The following DIAPH2 variants were observed in gnomAD, a reference collection of about 807,000 sequenced individuals.
The protein encoded by DIAPH2 is diaphanous related formin 2, also known as protein diaphanous homolog 2.
Under a neutral mutation model 92.7 loss-of-function variants are expected in DIAPH2, and 35 were observed. The ratio of observed to expected loss-of-function variants is 0.38; its 90% confidence interval spans 0.29 to 0.50. The LOEUF (loss-of-function observed/expected upper bound fraction) is 0.50, where lower values mean the gene tolerates loss of function less well. DIAPH2 is among the 20% of genes least tolerant of loss of function. The pLI is 0.94. For missense variants in DIAPH2, 701 were observed against 819.5 expected (o/e 0.86, Z 1.77); for synonymous variants, 301 against 280.4 (o/e 1.07, Z -0.73).
intron 5 of DIAPH2, among the ~76,000 whole-genome samples, chrX:96,887,690 C>G (rs964230520): frequency 4.5e-5 from 5 of 111,390 alleles, no homozygotes; most frequent in African/African-American, 1.6e-4. Flanking sequence ...AGCTGAAAAA[C>G]ATAAGTTCTT....
intron 17 of DIAPH2, among the ~76,000 whole-genome samples, chrX:97,026,234 G>C (rs774795557): frequency 8.9e-6 from 1 of 111,848 alleles, no homozygotes; most frequent in South Asian, 3.7e-4. Context: ...TTGTTCTTAT[G>C]GGGACTCATA....
At position 97,039,216 on chromosome X, in the gene DIAPH2, G is replaced by A. The variant is rs73250778; in HGVS notation, c.2051-33725G>A. Among the ~76,000 whole-genome samples, 535 of 110,905 alleles carry A rather than the reference G, an allele frequency of 4.8e-3. 2 individuals are homozygous for A. Among genetic ancestry groups the A allele is most frequent in the African/African-American group, 9.2e-3 (282 of 30,651 alleles). ...TATTACATATTGACCATTCGTTTTC[G>A]TCTAATTTTTGTTCATATAGTTTTA... On this transcript the variant is annotated intron_variant, in intron 17 of 26. Transcript: ENST00000324765.
At position 97,309,664 on chromosome X, in the gene DIAPH2, A is replaced by T. The variant is rs147279082; in HGVS notation, c.2845-38452A>T. On this transcript the variant is annotated intron_variant, in intron 23 of 26. Coordinates refer to ENST00000324765, the MANE Select transcript of DIAPH2 (RefSeq NM_006729.5). ...CCTTATCGTTGCCAGAATGTTTCCC[A>T]GTAACTTATCTGTATCTACAAAGAA... 8.7e-3 allele frequency among the ~76,000 whole-genome samples: 975 copies of T among 112,147 alleles called. 8 individuals carry two copies. The highest frequency in any genetic ancestry group is 0.03 in the African/African-American group (922 of 30,951).
chrX:96,714,824 A>T (rs1859919621), intron 1 of DIAPH2, among the ~76,000 whole-genome samples: 1 of 111,890 alleles, frequency 8.9e-6, no homozygotes, highest in Admixed American at 9.5e-5. Context: ...TGCTTGGAGA[A>T]TTTTACCTAT....
chrX:96,808,677 T>C (rs754686345), intron 4 of DIAPH2, among the ~76,000 whole-genome samples: 1 of 112,133 alleles, frequency 8.9e-6, no homozygotes, highest in Admixed American at 9.4e-5. Flanking sequence ...TGTCAGGAAC[T>C]TAGATAGAAA....
intron 26 of DIAPH2, among the ~76,000 whole-genome samples, chrX:97,489,740 T>C (rs2070712828): frequency 8.9e-6 from 1 of 111,873 alleles, no homozygotes; most frequent in Non-Finnish European, 1.9e-5. Context: ...AGCACATTAA[T>C]TGATTTGCAT....
intron 4 of DIAPH2, among the ~76,000 whole-genome samples, chrX:96,803,998 C>T (rs1324721761): frequency 2.7e-5 from 3 of 111,745 alleles, no homozygotes; most frequent in African/African-American, 9.8e-5. Flanking sequence ...GAGATTGCGC[C>T]ACTGCACTCC....
At chrX:97,185,359 A>G (rs865801962) in intron 22 of DIAPH2, among the ~76,000 whole-genome samples, 2 of 60,148 alleles carry the variant, frequency 3.3e-5, no homozygotes, top group East Asian at 4.6e-4. Flanking sequence ...ATATGTGTGT[A>G]TATATATATG....
At chrX:96,855,669 C>A (rs939102622) in intron 4 of DIAPH2, among the ~76,000 whole-genome samples, 1 of 109,415 alleles carries the variant, frequency 9.1e-6, no homozygotes, top group African/African-American at 3.3e-5. Context: ...ATTAGAGGGA[C>A]CTAGTTTGGG....
chrX:97,585,460 C>G (rs1288524142), intron 26 of DIAPH2, among the ~76,000 whole-genome samples: 1 of 110,073 alleles, frequency 9.1e-6, no homozygotes, highest in Non-Finnish European at 1.9e-5. Flanking sequence ...TGCCTTTCAT[C>G]ACAAATCATG....
At chrX:96,712,194 A>T (rs1202638101) in intron 1 of DIAPH2, among the ~76,000 whole-genome samples, 1 of 110,767 alleles carries the variant, frequency 9.0e-6, no homozygotes, top group East Asian at 2.8e-4. Context: ...ATTTGACTTC[A>T]TCACGCCTGC....
chrX:97,095,425 G>A (rs763539588), intron 19 of DIAPH2, among the ~76,000 whole-genome samples: 15 of 107,495 alleles, frequency 1.4e-4, no homozygotes, highest in African/African-American at 4.0e-4. Context: ...CAAGGAGAAC[G>A]TTTCTTATCT....
At chrX:97,129,106 CTTTT>C (rs2067114122) in intron 21 of DIAPH2, among the ~76,000 whole-genome samples, 1 of 65,287 alleles carries the variant, frequency 1.5e-5, no homozygotes, top group Admixed American at 1.9e-4. Flanking sequence ...CTTTTCTTTT[CTTTT>C]CTTTTCTTTT....
intron 3 of DIAPH2, among the ~76,000 whole-genome samples, chrX:96,750,919 C>T (rs1281967508): frequency 8.9e-6 from 1 of 112,442 alleles, no homozygotes; most frequent in Non-Finnish European, 1.9e-5. Context: ...AAGTGTTTCT[C>T]TAATGCCATG....
chrX:96,976,573 GTCA>G (rs1307588795), intron 17 of DIAPH2, among the ~76,000 whole-genome samples: 1 of 108,702 alleles, frequency 9.2e-6, no homozygotes, highest in East Asian at 2.9e-4. Context: ...ATTTCCAGTT[GTCA>G]TTTTCTAGCA....
At position 97,246,203 on chromosome X, in the gene DIAPH2, C is replaced by T. The variant is rs180910448; in HGVS notation, c.2720-1512C>T. 3.4e-4 allele frequency among the ~76,000 whole-genome samples: 37 copies of T among 110,334 alleles called. No homozygotes were observed. The South Asian group carries it at 5.0e-3, about 15-fold the overall frequency. On this transcript the variant is annotated intron_variant, in intron 22 of 26. Coordinates refer to ENST00000324765, the MANE Select transcript of DIAPH2 (RefSeq NM_006729.5). The stretch of plus-strand genomic sequence containing the variant: ...TGCTGGGATTACAGGTGTGAGCCAC[C>T]GCGCTCGGCCTGTCTTCACTTTTTC...
intron 16 of DIAPH2, among the ~76,000 whole-genome samples, chrX:96,962,316 TATATATACAC>T (rs1230212540): frequency 5.9e-5 from 4 of 67,441 alleles, no homozygotes; most frequent in Admixed American, 1.8e-4. Context: ...TATATACATA[TATATATACAC>T]ATATATATAT....
chrX:97,096,996 T>C (rs1227492464), intron 19 of DIAPH2, among the ~76,000 whole-genome samples: 1 of 111,453 alleles, frequency 9.0e-6, no homozygotes, highest in African/African-American at 3.3e-5. Flanking sequence ...AGTGTCAAGC[T>C]GTGCCTTGAA....
intron 23 of DIAPH2, among the ~76,000 whole-genome samples, chrX:97,338,800 A>G (rs1206783550): frequency 8.9e-6 from 1 of 112,137 alleles, no homozygotes; most frequent in Non-Finnish European, 1.9e-5. Context: ...TTCTAATGGA[A>G]CATGTTTTTT....
Sources: gnomAD v4.1 joint callset for allele counts (sites outside exome capture counted in the v4.1 genomes callset) on GRCh38, gnomAD v4.1.1 for gene constraint, MANE v1.5 for transcripts, NCBI Gene and HGNC (gene_info 2026-07-23, HGNC 2026-07-21) for gene names.